AKAP19: variants seen among roughly 807,000 people sequenced by gnomAD.
The protein encoded by AKAP19 is small A-kinase anchoring protein.
chr2:189,985,153 G>A, the AKAP19 span, among the ~76,000 whole-genome samples: 1 of 152,324 alleles, frequency 6.6e-6, no homozygotes, highest in East Asian at 1.9e-4. Flanking sequence ...GTTCTTTGGG[G>A]TCAATCTCTT....
At chr2:190,170,701 T>A in the AKAP19 span, among the ~76,000 whole-genome samples, 2 of 152,202 alleles carry the variant, frequency 1.3e-5, no homozygotes, top group Non-Finnish European at 2.9e-5. Flanking sequence ...AGCTTTTTTT[T>A]AATGAGACAG....
At chr2:189,989,959 A>G in the AKAP19 span, among the ~76,000 whole-genome samples, 1 of 152,206 alleles carries the variant, frequency 6.6e-6, no homozygotes, top group Admixed American at 6.5e-5. Context: ...AATTCAATGC[A>G]ACCCCTATTA....
chr2:190,163,183 C>G, the AKAP19 span, among the ~76,000 whole-genome samples: 1 of 152,254 alleles, frequency 6.6e-6, no homozygotes, highest in Non-Finnish European at 1.5e-5. Context: ...GCCTGTAATC[C>G]TAGCACTTTG....
At chr2:190,090,458 G>A in the AKAP19 span, among the ~76,000 whole-genome samples, 4 of 152,136 alleles carry the variant, frequency 2.6e-5, no homozygotes, top group East Asian at 1.9e-4. Flanking sequence ...GCACCAATTC[G>A]CCAGGCACAT....
the AKAP19 span, among the ~76,000 whole-genome samples, chr2:189,918,316 A>C: frequency 6.6e-5 from 10 of 152,060 alleles, no homozygotes; most frequent in Admixed American, 6.6e-4. Flanking sequence ...CTTTCTGGTT[A>C]GAGAACTTTA....
the AKAP19 span, among the ~76,000 whole-genome samples, chr2:190,087,108 A>G: frequency 7.2e-5 from 11 of 152,368 alleles, no homozygotes; most frequent in African/African-American, 2.4e-4. Flanking sequence ...TATTCTGGCT[A>G]TGGAAGAAAT....
chr2:190,062,318 C>T, the AKAP19 span: 1 of 1,613,350 alleles, frequency 6.2e-7, no homozygotes, highest in Non-Finnish European at 8.5e-7. Flanking sequence ...GGACATCATA[C>T]TGATCAATCA....
At chr2:190,036,290 A>T in the AKAP19 span, among the ~76,000 whole-genome samples, 2 of 152,116 alleles carry the variant, frequency 1.3e-5, no homozygotes, top group African/African-American at 4.8e-5. Context: ...CCAAATCACA[A>T]TGTGGCTGTG....
the AKAP19 span, among the ~76,000 whole-genome samples, chr2:190,199,339 G>A: frequency 6.6e-6 from 1 of 152,168 alleles, no homozygotes; most frequent in African/African-American, 2.4e-5. Context: ...CGTGAGCATG[G>A]CTGTACAAAA....
the AKAP19 span, among the ~76,000 whole-genome samples, chr2:189,915,622 A>C: frequency 6.6e-6 from 1 of 152,150 alleles, no homozygotes; most frequent in Non-Finnish European, 1.5e-5. Context: ...GGGTTTTAAG[A>C]CTTCAAATTT....
At chr2:190,063,318 TATAAC>T in the AKAP19 span, among the ~76,000 whole-genome samples, 1 of 152,146 alleles carries the variant, frequency 6.6e-6, no homozygotes, top group Non-Finnish European at 1.5e-5. Flanking sequence ...TCATTGTTAT[TATAAC>T]ATATTGTGCA....
chr2:190,137,025 G>C, the AKAP19 span, among the ~76,000 whole-genome samples: 1 of 152,316 alleles, frequency 6.6e-6, no homozygotes, highest in South Asian at 2.1e-4. Context: ...CGACGTAGCA[G>C]AATGCACTTC....
chr2:190,175,151 A>G, the AKAP19 span, among the ~76,000 whole-genome samples: 1 of 152,162 alleles, frequency 6.6e-6, no homozygotes, highest in African/African-American at 2.4e-5. Context: ...CTCTTTGGGG[A>G]TTGTTAAATC....
the AKAP19 span, among the ~76,000 whole-genome samples, chr2:189,975,820 G>A: frequency 9.0e-3 from 1,369 of 152,248 alleles, 20 homozygotes; most frequent in African/African-American, 0.032. Context: ...TCGTGCCATG[G>A]TTTTCAGCTC....
the AKAP19 span, among the ~76,000 whole-genome samples, chr2:190,138,766 C>A: frequency 6.6e-6 from 1 of 152,176 alleles, no homozygotes; most frequent in South Asian, 2.1e-4. Context: ...TAAGCCAAAG[C>A]CAGGAGATAG....
the AKAP19 span, chr2:190,181,311 C>T: frequency 4.3e-5 from 11 of 255,234 alleles, no homozygotes; most frequent in Non-Finnish European, 4.9e-5. Flanking sequence ...TTAGCCCCTA[C>T]CCCTTCAATT....
the AKAP19 span, among the ~76,000 whole-genome samples, chr2:189,898,498 C>G: frequency 6.6e-6 from 1 of 152,234 alleles, no homozygotes; most frequent in African/African-American, 2.4e-5. Context: ...TTGCATATTG[C>G]CTTTTTCATT....
chr2:189,910,252 G>A, the AKAP19 span, among the ~76,000 whole-genome samples: 1 of 151,986 alleles, frequency 6.6e-6, no homozygotes, highest in East Asian at 1.9e-4. Context: ...TTTTATAAAG[G>A]AAATCTTGTA....
the AKAP19 span, among the ~76,000 whole-genome samples, chr2:190,114,358 A>T: frequency 6.6e-6 from 1 of 152,224 alleles, no homozygotes. Context: ...GGCCTATAAT[A>T]GTTATTTCAA....
Sources: allele counts gnomAD v4.1 joint callset (sites outside exome capture counted in the v4.1 genomes callset), GRCh38; gene constraint gnomAD v4.1.1; transcripts MANE v1.5; gene names NCBI Gene and HGNC (gene_info 2026-07-23, HGNC 2026-07-21).